SNU13: variants seen among roughly 807,000 people sequenced by gnomAD.
SNU13 encodes small nuclear ribonucleoprotein 13.
A neutral mutation model predicts 12.4 loss-of-function variants in SNU13; 2 were observed. The ratio of observed to expected loss-of-function variants is 0.16; its 90% CI spans 0.07 to 0.51. The LOEUF (loss-of-function observed/expected upper bound fraction) is 0.51. SNU13 is among the 20% of genes least tolerant of loss of function. The pLI, the probability that SNU13 is intolerant of heterozygous loss-of-function variation, is 0.96. For missense variants in SNU13, 66 were observed against 157.8 expected (o/e 0.42, Z 3.12); for synonymous variants, 68 against 66.5 (o/e 1.02, Z -0.11).
At chr22:41,679,156 C>A (rs1188808475) in intron 2 of SNU13, among the ~76,000 whole-genome samples, 4 of 152,152 alleles carry the variant, frequency 2.6e-5, no homozygotes, top group Non-Finnish European at 1.5e-5. Context: ...CGCCTGTAAT[C>A]CCAGAATTTT....
intron 1 of SNU13, among the ~76,000 whole-genome samples, chr22:41,681,067 A>G (rs1569108765): frequency 6.6e-6 from 1 of 152,354 alleles, no homozygotes; most frequent in Non-Finnish European, 1.5e-5. Context: ...CAGTAAATGT[A>G]GCACAAAGTT....
At chr22:41,689,111 C>T (rs2068339035), upstream of SNU13, 20 of 1,095,622 alleles carry the variant, frequency 1.8e-5, no homozygotes, top group Non-Finnish European at 2.2e-5. Context: ...GCTGTAATCC[C>T]GGCACTTTGG....
At chr22:41,678,192 G>A (rs970929002) in intron 2 of SNU13, among the ~76,000 whole-genome samples, 2 of 151,966 alleles carry the variant, frequency 1.3e-5, no homozygotes, top group African/African-American at 4.8e-5. Flanking sequence ...AGCCAGGATG[G>A]TCTCGATCTC....
At position 41,683,142 on chromosome 22, in the gene SNU13, A is replaced by G. The variant is rs951743969; in HGVS notation, c.4-2778T>C. Reference sequence around the variant, plus strand: ...CTCCAGAGCAGCTGGTACTACAGGCATGCACAACCACGCCCGGCTAATTTT... The same window carrying G: ...CTCCAGAGCAGCTGGTACTACAGGCGTGCACAACCACGCCCGGCTAATTTT... On this transcript the variant is annotated intron_variant, in intron 1 of 2. Transcript: ENST00000401959. 2.6e-5 allele frequency among the ~76,000 whole-genome samples: 4 copies of G among 152,258 alleles called. No individual in the cohort carries two copies. In the Middle Eastern group the frequency reaches 0.014, roughly 518 times the overall value.
intron 1 of SNU13, 130 bp downstream of exon 1, chr22:41,688,664 G>A: frequency 7.7e-7 from 1 of 1,302,144 alleles, no homozygotes; most frequent in Non-Finnish European, 1.0e-6. Context: ...CTAACTAAGG[G>A]CCCGGCGGTT....
At chr22:41,679,952 C>T (rs2068248414) in intron 2 of SNU13, 1 of 213,920 alleles carries the variant, frequency 4.7e-6, no homozygotes, top group South Asian at 1.3e-4. Flanking sequence ...TCTGATGGCT[C>T]TGGTGAGGTC....
rs2068200547 is a variant in SNU13 at position 41,675,116 on chromosome 22, G to A, written c.204C>T (p.His68=). The change falls in exon 3 of 3, where the codon CAC becomes CAT. Residue 68 remains histidine, a synonymous_variant. Transcript: ENST00000401959. ...ADAEPLEIIL[H]LPLLCEDKNV... is the part of the protein sequence containing the mutation. Reference sequence around the variant, plus strand: ...TCTTGTCTTCACACAGCAGCGGCAGGTGCAGAATGATCTCCAGTGGCTCGG... The same window carrying A: ...TCTTGTCTTCACACAGCAGCGGCAGATGCAGAATGATCTCCAGTGGCTCGG... 6.2e-7 allele frequency: 1 copy of A among 1,614,174 alleles called. No individual in the cohort carries two copies. The highest frequency in any genetic ancestry group is 8.5e-7 in the Non-Finnish European group (1 of 1,180,020).
At chr22:41,683,710 C>G (rs2068285462) in intron 1 of SNU13, among the ~76,000 whole-genome samples, 1 of 152,122 alleles carries the variant, frequency 6.6e-6, no homozygotes, top group South Asian at 2.1e-4. Flanking sequence ...TATATCTATT[C>G]TAAATTGACC....
intron 2 of SNU13, among the ~76,000 whole-genome samples, chr22:41,677,446 GCC>G (rs1411581013): frequency 2.0e-5 from 3 of 152,054 alleles, no homozygotes; most frequent in Admixed American, 2.0e-4. Flanking sequence ...GATCACCTAA[GCC>G]CAGGAGGTCG....
chr22:41,677,445 A>G (rs1320865936), intron 2 of SNU13, among the ~76,000 whole-genome samples: 1 of 152,150 alleles, frequency 6.6e-6, no homozygotes, highest in African/African-American at 2.4e-5. Context: ...GGATCACCTA[A>G]GCCCAGGAGG....
chr22:41,682,790 A>AG (rs1304702254), intron 1 of SNU13, among the ~76,000 whole-genome samples: 2 of 152,102 alleles, frequency 1.3e-5, no homozygotes, highest in Admixed American at 1.3e-4. Flanking sequence ...CTAGGATTAC[A>AG]GGTGACCGCC....
At chr22:41,685,566 C>T (rs1374412071) in intron 1 of SNU13, among the ~76,000 whole-genome samples, 2 of 151,308 alleles carry the variant, frequency 1.3e-5, no homozygotes, top group Non-Finnish European at 3.0e-5. Context: ...GTTGGCCAGG[C>T]TGGTCTTGAA....
chr22:41,682,488 C>A (rs1346639868), intron 1 of SNU13: 4 of 1,576,380 alleles, frequency 2.5e-6, no homozygotes, highest in African/African-American at 2.7e-5. Flanking sequence ...ACGCCACTGC[C>A]GCCAGCGGAA....
chr22:41,688,737 GT>G (rs1426176303), intron 1 of SNU13, 56 bp downstream of exon 1: 1 of 1,592,716 alleles, frequency 6.3e-7, no homozygotes, highest in East Asian at 2.2e-5. Flanking sequence ...AGGCTAGGGA[GT>G]GAACGCAACC....
At chr22:41,675,261 G>A in intron 2 of SNU13, 66 bp from the exon 3 acceptor site, 2 of 1,570,752 alleles carry the variant, frequency 1.3e-6, no homozygotes, top group Non-Finnish European at 1.7e-6. Flanking sequence ...ACAACAAACT[G>A]GGAAGAATGC....
At chr22:41,676,687 T>C (rs142906015) in intron 2 of SNU13, among the ~76,000 whole-genome samples, 9 of 152,326 alleles carry the variant, frequency 5.9e-5, no homozygotes, top group Non-Finnish European at 1.3e-4. Context: ...TATACATGTA[T>C]ATACATTCTA....
intron 1 of SNU13, among the ~76,000 whole-genome samples, chr22:41,685,510 T>C (rs965124979): frequency 1.2e-4 from 18 of 151,492 alleles, no homozygotes; most frequent in Non-Finnish European, 2.4e-4. Flanking sequence ...TGCGCCACCA[T>C]GCCCGGCTAA....
At chr22:41,680,210 A>C in intron 2 of SNU13, 34 bp downstream of exon 2, 1 of 1,591,310 alleles carries the variant, frequency 6.3e-7, no homozygotes, top group Non-Finnish European at 8.6e-7. Context: ...AGGTGCCTTT[A>C]ACATTCCCCC....
intron 1 of SNU13, chr22:41,688,286 C>T (rs374449412): frequency 6.5e-6 from 1 of 152,914 alleles, no homozygotes; most frequent in African/African-American, 2.4e-5. Context: ...GCGCGTGTGA[C>T]TCGCGGCGGG....
Sources: gnomAD v4.1 joint callset for allele counts (sites outside exome capture counted in the v4.1 genomes callset) on GRCh38, gnomAD v4.1.1 for gene constraint, MANE v1.5 for transcripts, NCBI Gene and HGNC (gene_info 2026-07-23, HGNC 2026-07-21) for gene names.